The following PIK3CB variants were observed in gnomAD, a reference collection of about 807,000 sequenced individuals.
PIK3CB encodes phosphatidylinositol 4,5-bisphosphate 3-kinase catalytic subunit beta isoform.
A neutral mutation model predicts 136.8 loss-of-function variants in PIK3CB; 39 were observed. The ratio of observed to expected loss-of-function variants is 0.29; its 90% CI spans 0.22 to 0.37. The LOEUF is 0.37. PIK3CB is among the 10% of genes least tolerant of loss of function. The pLI, the probability that PIK3CB is intolerant of heterozygous loss-of-function variation, is 1.00. For missense variants in PIK3CB, 868 were observed against 1,275.4 expected (o/e 0.68, Z 4.87); for synonymous variants, 428 against 436.6 (o/e 0.98, Z 0.25).
intron 12 of PIK3CB, among the ~76,000 whole-genome samples, chr3:138,701,657 T>C (rs2044255722): frequency 6.6e-6 from 1 of 151,668 alleles, no homozygotes; most frequent in Admixed American, 6.6e-5. Flanking sequence ...TGGTGGCGCA[T>C]GCCTGTAGTC....
intron 10 of PIK3CB, among the ~76,000 whole-genome samples, chr3:138,711,167 A>C (rs2044489074): frequency 6.6e-6 from 1 of 151,946 alleles, no homozygotes; most frequent in South Asian, 2.1e-4. Context: ...AATTAGGAGC[A>C]ACAAAGGTTA....
intron 8 of PIK3CB, among the ~76,000 whole-genome samples, chr3:138,720,213 A>G (rs1290186244): frequency 6.6e-6 from 1 of 152,252 alleles, no homozygotes; most frequent in East Asian, 1.9e-4. Flanking sequence ...CAGCCACACA[A>G]TCTCACGATG....
At chr3:138,720,726 G>A (rs2108602620) in intron 8 of PIK3CB, among the ~76,000 whole-genome samples, 1 of 152,234 alleles carries the variant, frequency 6.6e-6, no homozygotes, top group South Asian at 2.1e-4. Flanking sequence ...AAATTAGTCA[G>A]GTGTGGTGGC....
chr3:138,700,191 C>A (rs2044220966), intron 12 of PIK3CB, among the ~76,000 whole-genome samples: 1 of 152,138 alleles, frequency 6.6e-6, no homozygotes, highest in African/African-American at 2.4e-5. Context: ...CACTGCACTC[C>A]AGTCTGGGCA....
chr3:138,720,923 T>C (rs1318730201), intron 8 of PIK3CB, among the ~76,000 whole-genome samples: 1 of 152,054 alleles, frequency 6.6e-6, no homozygotes, highest in Non-Finnish European at 1.5e-5. Flanking sequence ...AAAAACTATT[T>C]TGTTACTGTA....
At chr3:138,671,486 A>G (rs569240406) in intron 19 of PIK3CB, among the ~76,000 whole-genome samples, 1 of 152,322 alleles carries the variant, frequency 6.6e-6, no homozygotes, top group South Asian at 2.1e-4. Flanking sequence ...AAGGTTTTAT[A>G]AATAGGTGTG....
intron 2 of PIK3CB, among the ~76,000 whole-genome samples, chr3:138,767,103 GGCAGAAGTT>G (rs2045742086): frequency 6.6e-6 from 1 of 152,100 alleles, no homozygotes; most frequent in African/African-American, 2.4e-5. Flanking sequence ...GAACCTGGGA[GGCAGAAGTT>G]GCAGTGAGCC....
chr3:138,832,734 C>T (rs1934088765), intron 1 of PIK3CB, among the ~76,000 whole-genome samples: 1 of 148,308 alleles, frequency 6.7e-6, no homozygotes, highest in Admixed American at 6.9e-5. Flanking sequence ...GAGGCTATGG[C>T]AGGAGAATCG....
At chr3:138,776,922 C>CAAAAAAAA (rs11435742) in intron 2 of PIK3CB, among the ~76,000 whole-genome samples, 2 of 57,414 alleles carry the variant, frequency 3.5e-5, no homozygotes, top group African/African-American at 1.1e-4. Context: ...GACTCTACCT[C>CAAAAAAAA]AAAAAAAAAA....
At chr3:138,708,168 C>A (rs1447255429) in intron 10 of PIK3CB, among the ~76,000 whole-genome samples, 1 of 151,980 alleles carries the variant, frequency 6.6e-6, no homozygotes. Context: ...GAATTATTTC[C>A]TAAAGCTGGA....
intron 21 of PIK3CB, among the ~76,000 whole-genome samples, chr3:138,660,798 G>A (rs1021254212): frequency 3.1e-4 from 47 of 152,164 alleles, no homozygotes; most frequent in African/African-American, 1.1e-3. Context: ...ACAATATGTC[G>A]TACATGATAA....
chr3:138,653,814 C>T lies in PIK3CB; in HGVS notation c.*1575G>A, dbSNP rs2043151172. 1 of 197,976 alleles carries T rather than the reference C, an allele frequency of 5.1e-6. No homozygotes were observed. Among genetic ancestry groups the T allele is most frequent in the Non-Finnish European group, 1.0e-5 (1 of 95,626 alleles). The allele number at this position is 197,976 out of a possible 1,614,324, so 12.3% of individuals were successfully genotyped here. ...CAGGACACCTCCCATATGCATGGCT[C>T]CTTACCTCAGGCTCCCACCAAAGTC... On this transcript the variant is annotated 3_prime_UTR_variant, in exon 24 of 24. Transcript: ENST00000674063.
intron 16 of PIK3CB, among the ~76,000 whole-genome samples, chr3:138,688,654 A>C (rs2043945862): frequency 6.6e-6 from 1 of 152,150 alleles, no homozygotes. Context: ...AGTTCATTGA[A>C]ACTTCATTTT....
Position 138,792,307 on chromosome 3 carries a change from C to T in PIK3CB, c.-17+4156G>A, listed in dbSNP as rs77521214. Reference sequence around the variant, plus strand: ...CATTATTCCCTAAATAATACAATAACACCTATTCACAAGGCATTTACATTG... The same window carrying T: ...CATTATTCCCTAAATAATACAATAATACCTATTCACAAGGCATTTACATTG... On this transcript the variant is annotated intron_variant, in intron 2 of 23. Transcript: ENST00000674063. 6.0e-3 allele frequency among the ~76,000 whole-genome samples: 915 copies of T among 152,196 alleles called. 5 individuals carry two copies. Among genetic ancestry groups the T allele is most frequent in the African/African-American group, 0.021 (855 of 41,518 alleles).
chr3:138,684,737 T>C lies in PIK3CB; in HGVS notation c.2203A>G (p.Arg735Gly). 1 of 1,614,008 alleles carries C rather than the reference T, an allele frequency of 6.2e-7. No homozygotes were observed. Among genetic ancestry groups the C allele is most frequent in the Non-Finnish European group, 8.5e-7 (1 of 1,179,850 alleles). Residue 735 changes from arginine (R) to glycine (G), a missense_variant, in exon 17 of 24, where the codon AGA (arginine) becomes GGA (glycine). Coordinates refer to ENST00000674063, the MANE Select transcript of PIK3CB (RefSeq NM_006219.3). ...LIKLNAVKLN[R>G]AKGKEAMHTC... is the part of the protein sequence containing the mutation. ...TGCATGGCCTCCTTCCCTTTGGCTC[T>C]GTTTAACTTCACGGCATTCAGTTTG...
At chr3:138,771,137 A>G (rs1002443362) in intron 2 of PIK3CB, among the ~76,000 whole-genome samples, 12 of 152,104 alleles carry the variant, frequency 7.9e-5, no homozygotes, top group African/African-American at 2.4e-5. Context: ...AAGACAACAA[A>G]TCAGCCCCAA....
At chr3:138,825,239 T>A (rs1038656060) in intron 1 of PIK3CB, 1 of 357,350 alleles carries the variant, frequency 2.8e-6, no homozygotes, top group East Asian at 5.5e-5. Context: ...ACAGAGACTT[T>A]ATCAATAACA....
intron 5 of PIK3CB, among the ~76,000 whole-genome samples, chr3:138,742,106 A>T (rs2045257370): frequency 6.6e-6 from 1 of 152,218 alleles, no homozygotes; most frequent in Admixed American, 6.5e-5. Flanking sequence ...GAAAAGTCAC[A>T]TGAGAAAAAA....
At chr3:138,761,839 C>G (rs563848606) in intron 2 of PIK3CB, among the ~76,000 whole-genome samples, 2 of 152,062 alleles carry the variant, frequency 1.3e-5, no homozygotes, top group African/African-American at 4.8e-5. Flanking sequence ...ACTCGGGAGG[C>G]TGAGGCAGAA....
Sources: allele counts gnomAD v4.1 joint callset (sites outside exome capture counted in the v4.1 genomes callset), GRCh38; gene constraint gnomAD v4.1.1; transcripts MANE v1.5; gene names NCBI Gene and HGNC (gene_info 2026-07-23, HGNC 2026-07-21).